The following NAP1L4 variants were observed in gnomAD, a reference collection of about 807,000 sequenced individuals.
NAP1L4 encodes the protein nucleosome assembly protein 1-like 4.
In NAP1L4, 15 loss-of-function variants were observed where a neutral mutation model predicts 58.2. The ratio of observed to expected loss-of-function variants is 0.26; its 90% CI spans 0.17 to 0.40. The LOEUF (loss-of-function observed/expected upper bound fraction) is 0.40, where lower values mean the gene tolerates loss of function less well. Among genes scored for constraint, NAP1L4 ranks in the 10% least tolerant of loss-of-function variants. The pLI is 1.00. For missense variants in NAP1L4, 384 were observed against 451.1 expected (o/e 0.85, Z 1.35); for synonymous variants, 171 against 155.6 (o/e 1.10, Z -0.74).
At chr11:2,978,500 G>T (rs1848103104) in intron 2 of NAP1L4, among the ~76,000 whole-genome samples, 158 bp from the exon 3 acceptor site, 1 of 152,174 alleles carries the variant, frequency 6.6e-6, no homozygotes, top group African/African-American at 2.4e-5. Flanking sequence ...TATCTCAGAG[G>T]CTGTCCTCTC....
intron 7 of NAP1L4, among the ~76,000 whole-genome samples, chr11:2,969,173 T>C (rs1325377586): frequency 1.3e-5 from 2 of 151,898 alleles, no homozygotes; most frequent in African/African-American, 4.8e-5. Context: ...CTATTTTTTG[T>C]AGAGATGGGA....
intron 1 of NAP1L4, chr11:2,990,904 C>CGTAA: frequency 3.0e-6 from 1 of 335,754 alleles, no homozygotes; most frequent in Non-Finnish European, 6.0e-6. Flanking sequence ...CTTAGAAAGA[C>CGTAA]TTACCTTTAA....
intron 7 of NAP1L4, among the ~76,000 whole-genome samples, chr11:2,966,520 T>G (rs1257818949): frequency 6.6e-6 from 1 of 152,226 alleles, no homozygotes; most frequent in African/African-American, 2.4e-5. Flanking sequence ...AGTGTGAACG[T>G]GAGGTATTTC....
At chr11:2,985,762 T>C (rs1290179280) in intron 1 of NAP1L4, among the ~76,000 whole-genome samples, 2 of 152,214 alleles carry the variant, frequency 1.3e-5, no homozygotes, top group African/African-American at 4.8e-5. Flanking sequence ...CAAAAGAATG[T>C]TGTAAGTTTT....
At chr11:2,989,864 G>A (rs1309914628) in intron 1 of NAP1L4, 1 of 152,092 alleles carries the variant, frequency 6.6e-6, no homozygotes, top group Non-Finnish European at 1.5e-5. Flanking sequence ...CCTCTCATAT[G>A]GGCAAAAAGA....
chr11:2,989,411 G>C (rs1590282871), intron 1 of NAP1L4: 1 of 152,118 alleles, frequency 6.6e-6, no homozygotes, highest in Non-Finnish European at 1.5e-5. Context: ...CACAGCTGAC[G>C]CCTCTTAGGC....
At chr11:2,977,746 G>A (rs181358655) in intron 3 of NAP1L4, among the ~76,000 whole-genome samples, 2 of 152,112 alleles carry the variant, frequency 1.3e-5, no homozygotes, top group African/African-American at 4.8e-5. Flanking sequence ...TTTGGAGGGA[G>A]TGGGGAGTAC....
At chr11:2,957,172 C>T (rs964729232) in intron 10 of NAP1L4, among the ~76,000 whole-genome samples, 12 of 152,128 alleles carry the variant, frequency 7.9e-5, no homozygotes, top group African/African-American at 2.7e-4. Context: ...GAACTTCCTA[C>T]ACAAAGTGAT....
At chr11:2,972,018 T>G (rs887230094) in intron 5 of NAP1L4, 84 bp downstream of exon 5, 1 of 1,366,740 alleles carries the variant, frequency 7.3e-7, no homozygotes, top group African/African-American at 1.5e-5. Flanking sequence ...CCCTAGATGT[T>G]GTCAACTTAT....
In NAP1L4 at chr11:2,971,461, T is replaced by C. The variant is rs1167421056; in HGVS notation, c.389A>G (p.Glu130Gly). ...CTAAAGACTTACAGCCAATTTCTCT[T>C]CCTCTTCATTTTCACTGTGCCATTC... is the stretch of plus-strand genomic sequence containing the variant. ...ESEWHSENEE[E>G]EKLAGDMKSK... Residue 130 changes from glutamate (E) to glycine (G), a missense_variant, in exon 6 of 16, where the codon GAA (glutamate) becomes GGA (glycine). Glu to Gly is a moderately conservative substitution (Grantham distance 98). Around this residue, in one of 3 missense-constraint regions of NAP1L4, gnomAD observed 296 missense variants for 360.8 expected, o/e 0.82. Transcript: ENST00000380542. The surrounding 1 kb of genome is among the most constrained non-coding windows in gnomAD (Gnocchi z 4.2). 6.2e-7 allele frequency: 1 copy of C among 1,613,750 alleles called. No homozygotes were observed. Among genetic ancestry groups the C allele is most frequent in the Non-Finnish European group, 8.5e-7 (1 of 1,179,982 alleles).
rs1197816818 is a variant in NAP1L4 at position 2,959,385 on chromosome 11, G to C, written c.746+385C>G. On this transcript the variant is annotated intron_variant, in intron 9 of 15. Transcript: ENST00000380542. The surrounding 1 kb of genome is among the most constrained non-coding windows in gnomAD (Gnocchi z 4.9). ...CCACCTATTTCCAAAGCAATCAGCT[G>C]ATCAATATAGCCCTGGACTCAGACT... 6.6e-6 allele frequency among the ~76,000 whole-genome samples: 1 copy of C among 152,186 alleles called. No homozygotes were observed. Among genetic ancestry groups the C allele is most frequent in the Non-Finnish European group, 1.5e-5 (1 of 68,030 alleles).
chr11:2,979,100 G>C, intron 2 of NAP1L4, 107 bp downstream of exon 2: 1 of 1,169,872 alleles, frequency 8.5e-7, no homozygotes, highest in Non-Finnish European at 1.2e-6. Context: ...TCAGCTAGAC[G>C]CTGAAATGCA....
chr11:2,966,268 C>A (rs1847272997), intron 7 of NAP1L4, among the ~76,000 whole-genome samples: 1 of 152,198 alleles, frequency 6.6e-6, no homozygotes, highest in Non-Finnish European at 1.5e-5. Context: ...AGGACCATCA[C>A]CTCAAACATT....
In NAP1L4 at chr11:2,954,566, C is replaced by A. The variant is rs1444842394; in HGVS notation, c.996G>T (p.Val332=). ...FFRERIVPRA[V]LYFTGEAIED... ...CTATGGCCTCCCCAGTGAAGTACAG[C>A]ACAGCCCGCGGGACTATCCGCTCAC... The change falls in exon 12 of 16, where the codon GTG becomes GTT. Residue 332 remains valine, a synonymous_variant. Coordinates refer to ENST00000380542, the MANE Select transcript of NAP1L4 (RefSeq NM_005969.4). The surrounding 1 kb of genome is among the most constrained non-coding windows in gnomAD (Gnocchi z 4.8). 1 of 1,614,226 alleles carries A rather than the reference C, an allele frequency of 6.2e-7. No individual in the cohort carries two copies. Among genetic ancestry groups the A allele is most frequent in the Admixed American group, 1.7e-5 (1 of 60,032 alleles).
intron 6 of NAP1L4, 56 bp from the exon 7 acceptor site, chr11:2,969,990 G>A (rs1847541853): frequency 1.3e-5 from 20 of 1,534,874 alleles, no homozygotes; most frequent in South Asian, 8.6e-5. Context: ...ACAATGCAGC[G>A]GCTTCACGTA....
chr11:2,982,669 C>A (rs1171450724), intron 1 of NAP1L4, among the ~76,000 whole-genome samples: 1 of 152,200 alleles, frequency 6.6e-6, no homozygotes, highest in East Asian at 1.9e-4. Context: ...CTCCTTCTAA[C>A]CTTTCCCTAG....
At position 2,946,671 on chromosome 11, in the gene NAP1L4, C is replaced by T. The variant is rs2237903; in HGVS notation, c.*33-1025G>A. ...TTGGAAATCACATTTAAGGGATGGC[C>T]GAAAAAATATGTGTAAAATATGCAA... On this transcript the variant is annotated intron_variant, in intron 15 of 15. Transcript: ENST00000380542. The surrounding 1 kb of genome is among the most constrained non-coding windows in gnomAD (Gnocchi z 4.8). 0.42 allele frequency among the ~76,000 whole-genome samples: 64,158 copies of T among 151,892 alleles called. 14,130 individuals carry two copies. Among genetic ancestry groups the T allele is most frequent in the African/African-American group, 0.54 (22,428 of 41,410 alleles).
chr11:2,977,633 A>G (rs1331832209), intron 3 of NAP1L4, among the ~76,000 whole-genome samples: 1 of 152,166 alleles, frequency 6.6e-6, no homozygotes, highest in Non-Finnish European at 1.5e-5. Flanking sequence ...CAGGAGCATG[A>G]CTGTCTATTA....
At chr11:2,952,966 C>G (rs1278647377) in intron 12 of NAP1L4, among the ~76,000 whole-genome samples, 1 of 150,964 alleles carries the variant, frequency 6.6e-6, no homozygotes, top group African/African-American at 2.4e-5. Flanking sequence ...CACTTTATGC[C>G]AACACTTACT....
Sources: gnomAD v4.1 joint callset for allele counts (sites outside exome capture counted in the v4.1 genomes callset) on GRCh38, gnomAD v4.1.1 for gene constraint, gnomAD v4.1.1 regional missense constraint, Gnocchi (gnomAD v3.1) non-coding constraint, MANE v1.5 for transcripts, NCBI Gene and HGNC (gene_info 2026-07-23, HGNC 2026-07-21) for gene names.